The following SP4 variants were observed in gnomAD, a reference collection of about 807,000 sequenced individuals.
SP4 encodes Sp4 transcription factor.
In SP4, 19 loss-of-function variants were observed where a neutral mutation model predicts 72.8. The ratio of observed to expected loss-of-function variants is 0.26; its 90% confidence interval spans 0.18 to 0.38. SP4 has a LOEUF of 0.38. Among genes scored for constraint, SP4 ranks in the 10% least tolerant of loss-of-function variants. The probability of loss-of-function intolerance (pLI) is 1.00; values close to 1 mark genes in which losing one functional copy is unlikely to be tolerated. For synonymous variants in SP4, 395 were observed against 333.1 expected (o/e 1.19, Z -2.02); for missense variants, 1,008 against 926.3 (o/e 1.09, Z -1.14).
Position 21,511,291 on chromosome 7 carries a change from C to G in SP4, c.*22C>G. On this transcript the variant is annotated 3_prime_UTR_variant, in exon 6 of 6. Transcript: ENST00000222584. ...CTGAAAAGTTATTTATAACAGAGAC[C>G]TCTAGTGCTGCACTTGTTTACACAC... 4 of 1,607,626 alleles carry G rather than the reference C, an allele frequency of 2.5e-6. No individual in the cohort carries two copies. Among genetic ancestry groups the G allele is most frequent in the Non-Finnish European group, 3.4e-6 (4 of 1,176,066 alleles).
At chr7:21,435,736 A>G (rs1201557037) in intron 3 of SP4, among the ~76,000 whole-genome samples, 1 of 152,204 alleles carries the variant, frequency 6.6e-6, no homozygotes, top group African/African-American at 2.4e-5. Context: ...CTTGTATTCA[A>G]TACGAATGAC....
intron 5 of SP4, among the ~76,000 whole-genome samples, chr7:21,507,768 T>G (rs1782037265): frequency 6.6e-6 from 1 of 152,162 alleles, no homozygotes; most frequent in Admixed American, 6.5e-5. Flanking sequence ...TTTCCCATTT[T>G]TGGTCAGTCT....
chr7:21,493,383 C>A (rs919715442), intron 5 of SP4, among the ~76,000 whole-genome samples: 1 of 152,040 alleles, frequency 6.6e-6, no homozygotes, highest in African/African-American at 2.4e-5. Flanking sequence ...TTGTGGGATG[C>A]AGGTAAAGCA....
intron 3 of SP4, among the ~76,000 whole-genome samples, chr7:21,450,920 A>G (rs924214642): frequency 1.3e-5 from 2 of 152,208 alleles, no homozygotes; most frequent in African/African-American, 4.8e-5. Context: ...CAGGAATGAA[A>G]GGAAGTAAAG....
At chr7:21,501,968 A>G (rs1781874351) in intron 5 of SP4, among the ~76,000 whole-genome samples, 1 of 151,064 alleles carries the variant, frequency 6.6e-6, no homozygotes, top group Admixed American at 6.7e-5. Context: ...CACATTCTTA[A>G]TAGTTGACCA....
intron 5 of SP4, among the ~76,000 whole-genome samples, chr7:21,495,258 T>G (rs1785079318): frequency 6.6e-6 from 1 of 152,112 alleles, no homozygotes; most frequent in South Asian, 2.1e-4. Context: ...CTAAAAACTT[T>G]TGCTCTGTGA....
Position 21,430,778 on chromosome 7 carries a change from T to A in SP4, c.1613T>A (p.Val538Asp). Reference protein sequence around the residue: ...ASVPNLQTVSVANLGAAGVQV... With the variant: ...ASVPNLQTVSDANLGAAGVQV... ...GTGCCTAACCTTCAGACAGTGAGCG[T>A]TGCCAACCTGGGTGCTGCAGGTGTT... Residue 538 changes from valine to aspartate, a missense_variant, in exon 3 of 6, where the codon GTT (valine) becomes GAT (aspartate). This residue lies in a region of SP4 where 893 missense variants were observed against 743.3 expected (regional missense o/e 1.20). Coordinates refer to ENST00000222584, the MANE Select transcript of SP4 (RefSeq NM_003112.5). 1 of 1,614,214 alleles carries A rather than the reference T, an allele frequency of 6.2e-7. No individual in the cohort carries two copies. The highest frequency in any genetic ancestry group is 1.7e-5 in the Admixed American group (1 of 60,026).
chr7:21,495,960 C>CA (rs749695008), intron 5 of SP4, among the ~76,000 whole-genome samples: 7 of 152,134 alleles, frequency 4.6e-5, no homozygotes, highest in Non-Finnish European at 5.9e-5. Context: ...GGATGAAACT[C>CA]AGATGCATTA....
Position 21,429,278 on chromosome 7 carries a change from A to G in SP4, c.124-11A>G. The stretch of plus-strand genomic sequence containing the variant: ...CCCCCCCCCTCTCCTTTACCGTCCC[A>G]TTTTGGGTAGGACTCTCAGCCCTCT... On this transcript the variant is annotated splice_polypyrimidine_tract_variant and intron_variant, in intron 2 of 5. Transcript: ENST00000222584. 5 of 1,329,622 alleles carry G rather than the reference A, an allele frequency of 3.8e-6. No homozygotes were observed. The highest frequency in any genetic ancestry group is 5.2e-6 in the Non-Finnish European group (5 of 958,844). 82.4% of individuals were successfully genotyped at this position (1,329,622 alleles called of 1,614,324 possible). A position where few individuals can be genotyped will look rare whatever the true frequency, so the allele number is the denominator to read the frequency against.
intron 5 of SP4, among the ~76,000 whole-genome samples, chr7:21,510,615 A>G (rs532414260): frequency 8.2e-4 from 125 of 152,334 alleles, no homozygotes; most frequent in African/African-American, 2.9e-3. Context: ...CATGCCTCCA[A>G]GATTAAAACT....
intron 5 of SP4, among the ~76,000 whole-genome samples, chr7:21,489,653 G>T (rs1251798512): frequency 2.0e-5 from 3 of 147,792 alleles, no homozygotes; most frequent in Non-Finnish European, 4.4e-5. Flanking sequence ...TCCGCCTCCT[G>T]GGTTCATGCC....
At chr7:21,489,406 G>C (rs1784908380) in intron 5 of SP4, among the ~76,000 whole-genome samples, 1 of 151,626 alleles carries the variant, frequency 6.6e-6, no homozygotes, top group Non-Finnish European at 1.5e-5. Flanking sequence ...CGGCAGCCTT[G>C]ACCTCCTGGG....
chr7:21,498,515 G>C (rs920907820), intron 5 of SP4, among the ~76,000 whole-genome samples: 3 of 152,094 alleles, frequency 2.0e-5, no homozygotes, highest in South Asian at 2.1e-4. Context: ...TGATAGACTG[G>C]GAGTAAGGTA....
intron 1 of SP4, among the ~76,000 whole-genome samples, 171 bp from the exon 2 acceptor site, chr7:21,428,506 C>T (rs1445258983): frequency 1.3e-5 from 2 of 152,052 alleles, no homozygotes; most frequent in Non-Finnish European, 2.9e-5. Context: ...TTTGTGATAT[C>T]CCCCTCCTCC....
Position 21,429,904 on chromosome 7 carries a change from C to A in SP4, c.739C>A (p.Pro247Thr), listed in dbSNP as rs775496412. ...VSIPLQLQTLPGTQAQVVTTL... is the reference protein window; with the variant it reads ...VSIPLQLQTLTGTQAQVVTTL... ...AATACCACTGCAGTTACAGACTCTTCCTGGTACTCAGGCTCAAGTTGTAAC... is the reference window on the plus strand; with the variant it reads ...AATACCACTGCAGTTACAGACTCTTACTGGTACTCAGGCTCAAGTTGTAAC... The change falls in exon 3 of 6, where the codon CCT becomes ACT. Residue 247 changes from proline (P) to threonine (T), a missense_variant. Around this residue, in one of 3 missense-constraint regions of SP4, gnomAD observed 893 missense variants for 743.3 expected, o/e 1.20. Transcript: ENST00000222584. 6.8e-6 allele frequency: 11 copies of A among 1,614,104 alleles called. No homozygotes were observed. The highest frequency in any genetic ancestry group is 3.3e-4 in the Middle Eastern group (2 of 6,062).
rs939007812 is a variant in SP4 at position 21,512,782 on chromosome 7, C to T, written c.*1513C>T. On this transcript the variant is annotated 3_prime_UTR_variant, in exon 6 of 6. Transcript: ENST00000222584. Reference sequence around the variant, plus strand: ...TTCGCCATGTTGGCCAGGCTGGTTTCAAACTCCTGACCTCAGGTGATCTGC... The same window carrying T: ...TTCGCCATGTTGGCCAGGCTGGTTTTAAACTCCTGACCTCAGGTGATCTGC... 4.6e-5 allele frequency: 7 copies of T among 152,504 alleles called. No homozygotes were observed. Among genetic ancestry groups the T allele is most frequent in the African/African-American group, 1.7e-4 (7 of 41,400 alleles). The allele number at this position is 152,504 out of a possible 1,614,324, so 9.4% of individuals were successfully genotyped here. A position where few individuals can be genotyped will look rare whatever the true frequency, so the allele number is the denominator to read the frequency against.
intron 4 of SP4, 132 bp from the exon 5 acceptor site, chr7:21,481,792 T>C: frequency 3.0e-6 from 2 of 667,628 alleles, no homozygotes; most frequent in Non-Finnish European, 5.2e-6. Flanking sequence ...TGATTTGAAC[T>C]ACAGTTATGG....
At chr7:21,494,433 G>T (rs1318797933) in intron 5 of SP4, among the ~76,000 whole-genome samples, 1 of 152,188 alleles carries the variant, frequency 6.6e-6, no homozygotes, top group Non-Finnish European at 1.5e-5. Context: ...TGGCAAGGTT[G>T]CCAGATACAG....
At chr7:21,465,070 C>T (rs559501901) in intron 3 of SP4, among the ~76,000 whole-genome samples, 7 of 152,154 alleles carry the variant, frequency 4.6e-5, no homozygotes, top group African/African-American at 7.2e-5. Flanking sequence ...TAGGGTTTTC[C>T]GGCTAGGAAG....
Sources: gnomAD v4.1 joint callset for allele counts (sites outside exome capture counted in the v4.1 genomes callset) on GRCh38, gnomAD v4.1.1 for gene constraint, gnomAD v4.1.1 regional missense constraint, MANE v1.5 for transcripts, NCBI Gene and HGNC (gene_info 2026-07-23, HGNC 2026-07-21) for gene names.